The following PDE4D variants were observed in gnomAD, a reference collection of about 807,000 sequenced individuals.
PDE4D encodes 3',5'-cyclic-AMP phosphodiesterase 4D.
Under a neutral mutation model 87.4 loss-of-function variants are expected in PDE4D, and 24 were observed. The ratio of observed to expected loss-of-function variants is 0.27; its 90% confidence interval spans 0.20 to 0.39. The LOEUF (loss-of-function observed/expected upper bound fraction) is 0.39, where lower values mean the gene tolerates loss of function less well. PDE4D is among the 10% of genes least tolerant of loss of function. PDE4D has a pLI of 1.00. For synonymous variants in PDE4D, 384 were observed against 383.2 expected (o/e 1.00, Z -0.02); for missense variants, 714 against 1,041.0 (o/e 0.69, Z 4.32).
intron 1 of PDE4D, among the ~76,000 whole-genome samples, chr5:60,389,427 C>T (rs910275314): frequency 1.3e-5 from 2 of 152,272 alleles, no homozygotes; most frequent in Non-Finnish European, 1.5e-5. Context: ...AATAACAAAG[C>T]AACCTCAATA....
intron 2 of PDE4D, among the ~76,000 whole-genome samples, chr5:59,997,820 A>G (rs1177492636): frequency 6.6e-6 from 1 of 152,264 alleles, no homozygotes; most frequent in East Asian, 1.9e-4. Context: ...CATATATTGT[A>G]TAGGTAGCTA....
intron 5 of PDE4D, among the ~76,000 whole-genome samples, chr5:59,093,196 AG>A (rs1769052627): frequency 6.6e-6 from 1 of 152,218 alleles, no homozygotes. Flanking sequence ...GAATCCAGAA[AG>A]ACTTACTGCT....
intron 1 of PDE4D, among the ~76,000 whole-genome samples, chr5:59,417,633 T>C (rs1349124015): frequency 6.6e-6 from 1 of 152,158 alleles, no homozygotes; most frequent in African/African-American, 2.4e-5. Flanking sequence ...ACATACTTCT[T>C]TCCAGTGACA....
chr5:59,497,522 A>G (rs1269603228), intron 1 of PDE4D, among the ~76,000 whole-genome samples: 1 of 152,116 alleles, frequency 6.6e-6, no homozygotes, highest in Non-Finnish European at 1.5e-5. Context: ...TGAAAAATTA[A>G]CTATGGGAAT....
chr5:59,338,743 G>A (rs968739716), intron 1 of PDE4D, among the ~76,000 whole-genome samples: 12 of 152,110 alleles, frequency 7.9e-5, no homozygotes, highest in African/African-American at 2.9e-4. Flanking sequence ...GCAGGCTGAT[G>A]GCAGAAATGT....
In PDE4D at chr5:59,193,465, G is replaced by A. The variant is rs771165116; in HGVS notation, c.684+35C>T. 2.5e-6 allele frequency: 4 copies of A among 1,597,410 alleles called. No homozygotes were observed. The African/African-American group carries it at 4.0e-5, about 16-fold the overall frequency. On this transcript the variant is annotated intron_variant, in intron 3 of 14. Coordinates refer to ENST00000340635, the MANE Select transcript of PDE4D (RefSeq NM_001104631.2). ...TTCCCCAAATTAAATTTTTACATCT[G>A]TGAGAAACCTGCCCATTCACCAAGC...
Position 59,893,464 on chromosome 5 carries a change from G to C in PDE4D, c.159C>G (p.Pro53=). ...GCGGCGGCGGGGGCAGGTGGTGATG[G>C]GGATGCAGGAGGCGGAACTGGGGCT... ...LRQPQFRLLH[P]HHHLPPPPPP... is the part of the protein sequence containing the mutation. Residue 53 remains proline (P), a synonymous_variant, in exon 1 of 15, where the codon CCC becomes CCG. Coordinates refer to ENST00000340635, the MANE Select transcript of PDE4D (RefSeq NM_001104631.2). 6.5e-7 allele frequency: 1 copy of C among 1,532,260 alleles called. No homozygotes were observed. The highest frequency in any genetic ancestry group is 8.8e-7 in the Non-Finnish European group (1 of 1,138,374). 94.9% of individuals were successfully genotyped at this position (1,532,260 alleles called of 1,614,324 possible).
chr5:60,033,766 T>C (rs1767493288), intron 2 of PDE4D, among the ~76,000 whole-genome samples: 2 of 152,208 alleles, frequency 1.3e-5, no homozygotes, highest in Admixed American at 1.3e-4. Context: ...AGGGTCATCT[T>C]AGAACACAGT....
chr5:59,794,761 A>G (rs1199989786), intron 1 of PDE4D, among the ~76,000 whole-genome samples: 1 of 152,224 alleles, frequency 6.6e-6, no homozygotes, highest in Non-Finnish European at 1.5e-5. Flanking sequence ...CAGTGAATTA[A>G]TGATGAATTG....
At chr5:60,215,285 C>A (rs1743727865) in intron 1 of PDE4D, among the ~76,000 whole-genome samples, 1 of 152,116 alleles carries the variant, frequency 6.6e-6, no homozygotes, top group African/African-American at 2.4e-5. Context: ...ACCACAAAAT[C>A]TGATTAGGCT....
At chr5:59,144,892 G>GCC (rs1554080184) in intron 5 of PDE4D, among the ~76,000 whole-genome samples, 18 of 69,518 alleles carry the variant, frequency 2.6e-4, no homozygotes, top group Non-Finnish European at 4.4e-4. Context: ...GGGTTTAATG[G>GCC]GGGGGGGGGG....
intron 1 of PDE4D, among the ~76,000 whole-genome samples, chr5:59,521,320 A>G (rs1335906999): frequency 6.6e-6 from 1 of 152,168 alleles, no homozygotes; most frequent in Non-Finnish European, 1.5e-5. Flanking sequence ...ATCTTGCATA[A>G]AGCAGTCAGG....
At chr5:60,101,077 A>G (rs1776169200) in intron 2 of PDE4D, among the ~76,000 whole-genome samples, 1 of 152,126 alleles carries the variant, frequency 6.6e-6, no homozygotes, top group Admixed American at 6.6e-5. Context: ...TGTGGGGTTG[A>G]GAATAGTGCA....
At chr5:60,018,087 T>C (rs1164220450) in intron 2 of PDE4D, among the ~76,000 whole-genome samples, 1 of 152,100 alleles carries the variant, frequency 6.6e-6, no homozygotes, top group Middle Eastern at 3.2e-3. Context: ...TGGCTGTATG[T>C]ATGTCTACTT....
chr5:59,432,883 A>G (rs1251951301), intron 1 of PDE4D, among the ~76,000 whole-genome samples: 1 of 152,142 alleles, frequency 6.6e-6, no homozygotes, highest in Non-Finnish European at 1.5e-5. Flanking sequence ...CATAATTATG[A>G]AGAGAATAAA....
intron 6 of PDE4D, among the ~76,000 whole-genome samples, chr5:59,028,299 TA>T (rs1276162104): frequency 6.6e-6 from 1 of 151,894 alleles, no homozygotes; most frequent in Non-Finnish European, 1.5e-5. Context: ...GAAGAGTAAA[TA>T]AAACATTATA....
chr5:59,060,461 T>C (rs1038767349), intron 5 of PDE4D, among the ~76,000 whole-genome samples: 3 of 152,172 alleles, frequency 2.0e-5, no homozygotes, highest in African/African-American at 7.2e-5. Context: ...GTCTTTTTTG[T>C]GTCATATATC....
intron 1 of PDE4D, among the ~76,000 whole-genome samples, chr5:60,204,238 T>G (rs1449863661): frequency 1.3e-5 from 2 of 152,068 alleles, no homozygotes; most frequent in Non-Finnish European, 2.9e-5. Context: ...GTCATCTATC[T>G]AATCTATATC....
chr5:59,072,742 T>G (rs1765053032), intron 5 of PDE4D, among the ~76,000 whole-genome samples: 1 of 152,242 alleles, frequency 6.6e-6, no homozygotes, highest in African/African-American at 2.4e-5. Flanking sequence ...GTTTTACTAT[T>G]CTAACTTGGC....
Sources: gnomAD v4.1 joint callset for allele counts (sites outside exome capture counted in the v4.1 genomes callset) on GRCh38, gnomAD v4.1.1 for gene constraint, MANE v1.5 for transcripts, NCBI Gene and HGNC (gene_info 2026-07-23, HGNC 2026-07-21) for gene names.